The following COMMD1 variants were observed in gnomAD, a reference collection of about 807,000 sequenced individuals.
COMMD1 encodes COMM domain-containing protein 1.
COMMD1 carries 10 observed loss-of-function variants against 17.2 expected under a neutral mutation model. That is an observed-to-expected ratio of 0.58 (90% CI 0.36 to 0.99). The LOEUF is 0.99. Ranked by LOEUF, COMMD1 falls within the 50% of genes least tolerant of loss-of-function variation. The pLI, the probability that COMMD1 is intolerant of heterozygous loss-of-function variation, is 0.01. For synonymous variants in COMMD1, 97 were observed against 91.6 expected (o/e 1.06, Z -0.34); for missense variants, 270 against 231.8 (o/e 1.17, Z -1.07).
intron 1 of COMMD1, chr2:61,969,063 ATTC>A: frequency 4.5e-6 from 2 of 440,606 alleles, no homozygotes. Flanking sequence ...GGCTCAAGTG[ATTC>A]TCCTGCCTCA....
intron 1 of COMMD1, among the ~76,000 whole-genome samples, chr2:61,907,186 A>G (rs888534289): frequency 2.6e-5 from 4 of 152,230 alleles, no homozygotes; most frequent in African/African-American, 7.2e-5. Context: ...GCTCACTGCA[A>G]TCTCCACCTC....
At chr2:61,966,285 A>T (rs1197292286) in intron 1 of COMMD1, among the ~76,000 whole-genome samples, 1 of 152,152 alleles carries the variant, frequency 6.6e-6, no homozygotes, top group Non-Finnish European at 1.5e-5. Flanking sequence ...TTGCATGATG[A>T]TTATTACATA....
chr2:62,058,152 T>C (rs777738065), intron 2 of COMMD1, among the ~76,000 whole-genome samples: 38 of 152,200 alleles, frequency 2.5e-4, no homozygotes, highest in Non-Finnish European at 4.6e-4. Flanking sequence ...TCTGTATTGG[T>C]GAATAGACCA....
intron 2 of COMMD1, among the ~76,000 whole-genome samples, chr2:62,106,074 C>G (rs1277542539): frequency 2.6e-5 from 4 of 152,138 alleles, no homozygotes; most frequent in Non-Finnish European, 4.4e-5. Context: ...TAGCTCACGT[C>G]CAGCCTCAAA....
chr2:61,974,056 G>A lies in COMMD1; in HGVS notation c.181-26645G>A, dbSNP rs182980517. 2.6e-5 allele frequency among the ~76,000 whole-genome samples: 4 copies of A among 152,240 alleles called. No homozygotes were observed. The East Asian group carries it at 5.8e-4, about 22-fold the overall frequency. ...ACGCCAGTAATCCCAGCACTTGGGA[G>A]GCTGAGGTGGGCAGATCACTTGAGG... On this transcript the variant is annotated intron_variant, in intron 1 of 2. Coordinates refer to ENST00000311832, the MANE Select transcript of COMMD1 (RefSeq NM_152516.4).
At chr2:61,895,868 A>G (rs543260290) in intron 1 of COMMD1, among the ~76,000 whole-genome samples, 48 of 152,210 alleles carry the variant, frequency 3.2e-4, no homozygotes, top group African/African-American at 1.1e-3. Context: ...CACCAGCCCT[A>G]CTGACCAAGG....
At chr2:61,934,603 A>ACC (rs2103618546) in intron 1 of COMMD1, among the ~76,000 whole-genome samples, 1 of 152,298 alleles carries the variant, frequency 6.6e-6, no homozygotes, top group East Asian at 1.9e-4. Flanking sequence ...AAGTTATAGA[A>ACC]TGAAAAAATT....
intron 1 of COMMD1, among the ~76,000 whole-genome samples, chr2:61,900,579 T>TA (rs1669636676): frequency 6.6e-6 from 1 of 152,192 alleles, no homozygotes; most frequent in South Asian, 2.1e-4. Context: ...GTCAGTTGTG[T>TA]CTAAACTCTA....
At chr2:62,044,790 A>T (rs564985980) in intron 2 of COMMD1, among the ~76,000 whole-genome samples, 3 of 150,604 alleles carry the variant, frequency 2.0e-5, no homozygotes, top group Non-Finnish European at 3.0e-5. Context: ...TGAGAATGAG[A>T]TTCTGATCAT....
intron 2 of COMMD1, among the ~76,000 whole-genome samples, chr2:62,012,706 C>T (rs923578559): frequency 7.2e-5 from 11 of 152,104 alleles, no homozygotes; most frequent in Admixed American, 2.0e-4. Flanking sequence ...TTTTTCAGCC[C>T]GCTGTCAGTA....
At chr2:61,979,579 C>A (rs189735433) in intron 1 of COMMD1, among the ~76,000 whole-genome samples, 12 of 152,218 alleles carry the variant, frequency 7.9e-5, no homozygotes, top group Admixed American at 7.9e-4. Context: ...GATATCTGCA[C>A]TCCCATGTGA....
chr2:62,051,723 G>C (rs951163384), intron 2 of COMMD1, among the ~76,000 whole-genome samples: 1 of 152,098 alleles, frequency 6.6e-6, no homozygotes, highest in Non-Finnish European at 1.5e-5. Context: ...GGTTCCATTG[G>C]GACCTCCTGG....
At chr2:62,122,812 G>A (rs774433467) in intron 2 of COMMD1, among the ~76,000 whole-genome samples, 15 of 152,124 alleles carry the variant, frequency 9.9e-5, no homozygotes, top group Non-Finnish European at 2.1e-4. Context: ...TCCTATTCTT[G>A]GCACATTCCC....
At chr2:62,118,728 C>T (rs148328667) in intron 2 of COMMD1, among the ~76,000 whole-genome samples, 1 of 152,338 alleles carries the variant, frequency 6.6e-6, no homozygotes, top group African/African-American at 2.4e-5. Context: ...AATTACATTT[C>T]AAAATCAAGT....
At chr2:62,061,383 C>T (rs1670849771) in intron 2 of COMMD1, among the ~76,000 whole-genome samples, 1 of 152,146 alleles carries the variant, frequency 6.6e-6, no homozygotes, top group Middle Eastern at 3.4e-3. Flanking sequence ...TAACACCAGC[C>T]CCTCTCTTGC....
At chr2:61,956,276 G>C (rs1671195928) in intron 1 of COMMD1, among the ~76,000 whole-genome samples, 1 of 152,080 alleles carries the variant, frequency 6.6e-6, no homozygotes, top group African/African-American at 2.4e-5. Context: ...AAAATCAGTT[G>C]GTTGTTTATT....
At chr2:61,988,043 A>G (rs991540296) in intron 1 of COMMD1, among the ~76,000 whole-genome samples, 3 of 151,934 alleles carry the variant, frequency 2.0e-5, no homozygotes, top group African/African-American at 7.3e-5. Flanking sequence ...CAAATCTGCA[A>G]CTCACCCTTC....
At chr2:62,008,361 G>GACAC (rs151332274) in intron 2 of COMMD1, among the ~76,000 whole-genome samples, 1 of 146,548 alleles carries the variant, frequency 6.8e-6, no homozygotes, top group Non-Finnish European at 1.5e-5. Context: ...CACACAGACA[G>GACAC]ACACACACAC....
At chr2:61,928,457 G>A (rs376114369) in intron 1 of COMMD1, among the ~76,000 whole-genome samples, 10 of 152,154 alleles carry the variant, frequency 6.6e-5, no homozygotes, top group Admixed American at 5.9e-4. Context: ...CACCATGCCC[G>A]GCCCAGGGAG....
Sources: allele counts gnomAD v4.1 joint callset (sites outside exome capture counted in the v4.1 genomes callset), GRCh38; gene constraint gnomAD v4.1.1; transcripts MANE v1.5; gene names NCBI Gene and HGNC (gene_info 2026-07-23, HGNC 2026-07-21).